Variants in NRK observed in about 807,000 individuals in gnomAD.
NRK encodes Nik related kinase.
In NRK, 67 loss-of-function variants were observed where a neutral mutation model predicts 125.2. The observed-to-expected ratio is 0.54, with a 90% CI of 0.44 to 0.66. NRK has a LOEUF of 0.66. Ranked by LOEUF, NRK falls within the 30% of genes least tolerant of loss-of-function variation. The pLI, the probability that NRK is intolerant of heterozygous loss-of-function variation, is 0.00. For missense variants in NRK, 1,224 were observed against 1,192.9 expected (o/e 1.03, Z -0.38); for synonymous variants, 458 against 429.0 (o/e 1.07, Z -0.84).
intron 2 of NRK, among the ~76,000 whole-genome samples, chrX:105,868,916 T>TA (rs766343220): frequency 2.3e-4 from 25 of 109,917 alleles, no homozygotes; most frequent in Non-Finnish European, 4.4e-4. Flanking sequence ...TCCTTAGAGT[T>TA]AAAAAACACT....
chrX:105,937,303 T>C, intron 21 of NRK, 136 bp from the exon 22 acceptor site: 1 of 388,645 alleles, frequency 2.6e-6, no homozygotes, highest in Non-Finnish European at 4.4e-6. Flanking sequence ...TTATGAAAAA[T>C]AATATGAGGT....
In NRK at chrX:105,898,696, A is replaced by G. The variant is rs1222391552; in HGVS notation, c.693A>G (p.Arg231=). 14 of 1,192,462 alleles carry G rather than the reference A, an allele frequency of 1.2e-5. No individual in the cohort carries two copies. Among genetic ancestry groups the G allele is most frequent in the Non-Finnish European group, 1.6e-5 (14 of 885,725 alleles). ...TGATTGACTGTGATGAGGACCCAAG[A>G]CGCTCCTATGATTACAGAGTGAGTG... ...PEVIDCDEDP[R]RSYDYRSDVW... The change falls in exon 8 of 29, where the codon AGA becomes AGG. Residue 231 remains arginine, a synonymous_variant. Transcript: ENST00000243300.
At chrX:105,929,716 TTG>T (rs2040571048) in intron 19 of NRK, among the ~76,000 whole-genome samples, 1 of 111,828 alleles carries the variant, frequency 8.9e-6, no homozygotes, top group Non-Finnish European at 1.9e-5. Flanking sequence ...ATAGTTGTTA[TTG>T]TGTTTTTCCT....
At chrX:105,859,231 A>G (rs964915522) in intron 2 of NRK, among the ~76,000 whole-genome samples, 6 of 111,950 alleles carry the variant, frequency 5.4e-5, no homozygotes, top group Non-Finnish European at 1.1e-4. Context: ...GTTTAGTAAT[A>G]TTGATATGTG....
chrX:105,862,932 T>G (rs1463127224), intron 2 of NRK, among the ~76,000 whole-genome samples: 2 of 112,177 alleles, frequency 1.8e-5, no homozygotes, highest in Non-Finnish European at 3.8e-5. Flanking sequence ...GTGGCTGGTT[T>G]GAGAATTAAG....
In NRK at chrX:105,935,079, G is replaced by A. The variant is rs373488999; in HGVS notation, c.3500-91G>A. On this transcript the variant is annotated intron_variant, in intron 20 of 28. Coordinates refer to ENST00000243300, the MANE Select transcript of NRK (RefSeq NM_198465.4). The stretch of plus-strand genomic sequence containing the variant: ...AAAAATTTTTCTATAACTCCATCAG[G>A]TGCAGATTTTTCTTTAAAAAAAAAT... The A allele has an allele frequency of 4.2e-4, 282 of 678,946 alleles. 2 individuals are homozygous for A. In the Middle Eastern group the frequency reaches 0.017, roughly 41 times the overall value. 56.0% of individuals were successfully genotyped at this position (678,946 alleles called of 1,213,427 possible).
intron 11 of NRK, 148 bp from the exon 12 acceptor site, chrX:105,908,092 C>A: frequency 1.9e-5 from 7 of 362,340 alleles, no homozygotes; most frequent in Non-Finnish European, 9.7e-6. Context: ...TGGTCTACAT[C>A]ACAAACCAAG....
In NRK at chrX:105,922,852, G is replaced by A. The variant is rs374145922; in HGVS notation, c.2611-266G>A. Among the ~76,000 whole-genome samples, 3 of 111,108 alleles carry A rather than the reference G, an allele frequency of 2.7e-5. No homozygotes were observed. The East Asian group carries it at 8.5e-4, about 32-fold the overall frequency. Reference sequence around the variant, plus strand: ...CTGTTCTCTCCAGCATCAAAAGCAAGTGTCCATTCCTGAGCTGACAAGTAT... The same window carrying A: ...CTGTTCTCTCCAGCATCAAAAGCAAATGTCCATTCCTGAGCTGACAAGTAT... On this transcript the variant is annotated intron_variant, in intron 17 of 28. Coordinates refer to ENST00000243300, the MANE Select transcript of NRK (RefSeq NM_198465.4).
At position 105,944,013 on chromosome X, in the gene NRK, A is replaced by C; in HGVS notation, c.4031A>C (p.Lys1344Thr). The part of the protein sequence containing the change: ...SSIHLYAWAP[K>T]SFDESTAIKV... ...ATTCACCTTTATGCATGGGCACCAA[A>C]GTCCTTTGATGAAAGCACTGCTATT... The change falls in exon 24 of 29, where the codon AAG becomes ACG. Residue 1344 changes from lysine (K) to threonine (T), a missense_variant. Coordinates refer to ENST00000243300, the MANE Select transcript of NRK (RefSeq NM_198465.4). 3 of 1,156,485 alleles carry C rather than the reference A, an allele frequency of 2.6e-6. No homozygotes were observed.
At chrX:105,933,664 A>C (rs1230658724) in intron 19 of NRK, among the ~76,000 whole-genome samples, 2 of 111,778 alleles carry the variant, frequency 1.8e-5, no homozygotes, top group Non-Finnish European at 1.9e-5. Flanking sequence ...TTATCATTTG[A>C]AAATTATTTA....
intron 3 of NRK, among the ~76,000 whole-genome samples, chrX:105,880,754 T>C (rs1336265898): frequency 9.0e-6 from 1 of 111,675 alleles, no homozygotes; most frequent in Non-Finnish European, 1.9e-5. Context: ...AGAGACAGTT[T>C]AATTGGCACC....
At chrX:105,875,701 A>G (rs1481272396) in intron 2 of NRK, among the ~76,000 whole-genome samples, 4 of 110,510 alleles carry the variant, frequency 3.6e-5, no homozygotes, top group Admixed American at 9.7e-5. Flanking sequence ...GAGTTTGACA[A>G]CAAGACAAAG....
At chrX:105,954,496 T>C (rs897721316) in intron 28 of NRK, among the ~76,000 whole-genome samples, 5 of 110,484 alleles carry the variant, frequency 4.5e-5, no homozygotes, top group African/African-American at 1.6e-4. Context: ...ATTGCTGCCT[T>C]TGTCTAATAA....
intron 9 of NRK, among the ~76,000 whole-genome samples, chrX:105,901,008 G>C (rs2040150098): frequency 9.0e-6 from 1 of 110,949 alleles, no homozygotes. Flanking sequence ...GATTCTGGTT[G>C]GCGTTCCAGT....
At position 105,888,421 on chromosome X, in the gene NRK, T is replaced by G; in HGVS notation, c.378+2T>G. Reference sequence around the variant, plus strand: ...CCTGGTCAGCGGCACCAACTTTGGGTATGTTTTTAATTACACTGTTCTTAT... The same window carrying G: ...CCTGGTCAGCGGCACCAACTTTGGGGATGTTTTTAATTACACTGTTCTTAT... On this transcript the variant is annotated splice_donor_variant, in intron 5 of 28. Transcript: ENST00000243300. LOFTEE classifies it high-confidence loss of function. 1 of 1,184,271 alleles carries G rather than the reference T, an allele frequency of 8.4e-7. No individual in the cohort carries two copies.
At chrX:105,867,720 A>G (rs747781091) in intron 2 of NRK, among the ~76,000 whole-genome samples, 13 of 111,955 alleles carry the variant, frequency 1.2e-4, no homozygotes, top group Non-Finnish European at 2.1e-4. Flanking sequence ...TCATGGTTCC[A>G]TCCAGAGGCT....
At chrX:105,921,033 T>A (rs2040436410) in intron 16 of NRK, among the ~76,000 whole-genome samples, 1 of 90,930 alleles carries the variant, frequency 1.1e-5, no homozygotes, top group African/African-American at 4.1e-5. Flanking sequence ...CATGCACACG[T>A]ATGTTTATTG....
Position 105,924,914 on chromosome X carries a change from C to A in NRK, c.3195C>A (p.Val1065=). ...GTGAGGGTGATGGAGGTAAGGGAGT[C>A]GTTCGAACCAGTGAAGAGAGTGGAG... is the stretch of plus-strand genomic sequence containing the variant. ...RGSEGDGGKG[V]VRTSEESGAL... Residue 1065 remains valine (V), a synonymous_variant, in exon 19 of 29, where the codon GTC becomes GTA. Transcript: ENST00000243300. The A allele has an allele frequency of 8.3e-7, 1 of 1,209,533 alleles. No individual in the cohort carries two copies.
intron 2 of NRK, among the ~76,000 whole-genome samples, chrX:105,839,296 G>C (rs760677498): frequency 2.8e-4 from 27 of 95,096 alleles, no homozygotes; most frequent in African/African-American, 8.9e-4. Context: ...TGCAAATATA[G>C]CTTAATTAAG....
Sources: gnomAD v4.1 joint callset for allele counts (sites outside exome capture counted in the v4.1 genomes callset) on GRCh38, gnomAD v4.1.1 for gene constraint, MANE v1.5 for transcripts, NCBI Gene and HGNC (gene_info 2026-07-23, HGNC 2026-07-21) for gene names.